PARP8: variants seen among roughly 807,000 people sequenced by gnomAD.
PARP8 encodes the protein protein mono-ADP-ribosyltransferase PARP8.
PARP8 carries 51 observed loss-of-function variants against 124.1 expected under a neutral mutation model. The observed-to-expected ratio is 0.41, with a 90% CI of 0.33 to 0.52. PARP8 has a LOEUF of 0.52. Among genes scored for constraint, PARP8 ranks in the 20% least tolerant of loss-of-function variants. PARP8 has a pLI of 0.21. For synonymous variants in PARP8, 391 were observed against 361.5 expected (o/e 1.08, Z -0.93); for missense variants, 860 against 1,018.9 (o/e 0.84, Z 2.12).
intron 14 of PARP8, among the ~76,000 whole-genome samples, chr5:50,808,756 GT>G (rs1051523468): frequency 1.3e-5 from 2 of 151,944 alleles, no homozygotes; most frequent in African/African-American, 4.8e-5. Context: ...ATTTGATTCT[GT>G]TTTCTTTCAC....
At chr5:50,672,490 G>C (rs1276932219) in intron 2 of PARP8, among the ~76,000 whole-genome samples, 1 of 152,210 alleles carries the variant, frequency 6.6e-6, no homozygotes, top group African/African-American at 2.4e-5. Flanking sequence ...GATGTCACTT[G>C]CAGTGGAATT....
chr5:50,707,846 A>G (rs1395292599), intron 2 of PARP8, among the ~76,000 whole-genome samples: 2 of 152,080 alleles, frequency 1.3e-5, no homozygotes, highest in Admixed American at 6.6e-5. Context: ...AATATGCGTG[A>G]GTTGCACTTT....
At chr5:50,757,204 T>C (rs1304604291) in intron 3 of PARP8, 1 of 455,472 alleles carries the variant, frequency 2.2e-6, no homozygotes, top group African/African-American at 2.0e-5. Flanking sequence ...CTCAAAAGGA[T>C]TGCTGAAATG....
chr5:50,672,173 C>G (rs1472452618), intron 2 of PARP8, among the ~76,000 whole-genome samples: 1 of 152,186 alleles, frequency 6.6e-6, no homozygotes, highest in East Asian at 1.9e-4. Flanking sequence ...CTCTGAGAAG[C>G]CTTTCCTGGC....
At chr5:50,788,434 A>G (rs1337045044) in intron 9 of PARP8, 89 bp from the exon 10 acceptor site, 32 of 1,140,816 alleles carry the variant, frequency 2.8e-5, no homozygotes, top group Non-Finnish European at 3.5e-5. Context: ...GTATATGCAC[A>G]TATATAATGC....
In PARP8 at chr5:50,826,601, A is replaced by G. The variant is rs74508889; in HGVS notation, c.1929-154A>G. ...TTACATAAGCTCTTTAAATTGTTTCAGGAAACAAACCTAAATTATGCGACT... is the reference window on the plus strand; with the variant it reads ...TTACATAAGCTCTTTAAATTGTTTCGGGAAACAAACCTAAATTATGCGACT... On this transcript the variant is annotated intron_variant, in intron 18 of 25. Coordinates refer to ENST00000281631, the MANE Select transcript of PARP8 (RefSeq NM_024615.4). Among the ~76,000 whole-genome samples the G allele has an allele frequency of 5.5e-3, 840 of 152,264 alleles. 6 individuals carry two copies. The highest frequency in any genetic ancestry group is 0.019 in the African/African-American group (786 of 41,568).
At chr5:50,711,965 A>G (rs1329368542) in intron 2 of PARP8, among the ~76,000 whole-genome samples, 2 of 152,138 alleles carry the variant, frequency 1.3e-5, no homozygotes, top group African/African-American at 2.4e-5. Context: ...CTGAGAAACA[A>G]AAATCTAAAT....
At chr5:50,810,652 C>G (rs914170501) in intron 14 of PARP8, among the ~76,000 whole-genome samples, 10 of 151,912 alleles carry the variant, frequency 6.6e-5, no homozygotes, top group African/African-American at 1.9e-4. Context: ...TCTTTTAGTG[C>G]AGTATCTTGT....
Position 50,794,211 on chromosome 5 carries a change from A to G in PARP8, c.742A>G (p.Met248Val), listed in dbSNP as rs1312441062. 4.3e-6 allele frequency: 7 copies of G among 1,611,452 alleles called. No homozygotes were observed. Among genetic ancestry groups the G allele is most frequent in the Non-Finnish European group, 5.1e-6 (6 of 1,178,552 alleles). ...FGLGHQLKKI[M>V]QTFVTQQWKQ... is the part of the protein sequence containing the mutation. ...GAATTACCTTTGGATTGACAGAATC[A>G]TGCAGACATTTGTTACACAGCAGTG... The change falls in exon 11 of 26, where the codon ATG becomes GTG. Residue 248 changes from methionine (M) to valine (V), a missense_variant. Physicochemically the swap from Met to Val is conservative, Grantham distance 21. This residue lies in a region of PARP8 where 517 missense variants were observed against 544.2 expected (regional missense o/e 0.95). Coordinates refer to ENST00000281631, the MANE Select transcript of PARP8 (RefSeq NM_024615.4).
chr5:50,768,162 T>TGAGGACCAAC (rs1761237310), intron 7 of PARP8, among the ~76,000 whole-genome samples: 1 of 152,170 alleles, frequency 6.6e-6, no homozygotes, highest in Non-Finnish European at 1.5e-5. Flanking sequence ...GCTGAAGTTT[T>TGAGGACCAAC]ATAGACAAAG....
At chr5:50,810,433 G>A (rs912023618) in intron 14 of PARP8, among the ~76,000 whole-genome samples, 7 of 152,128 alleles carry the variant, frequency 4.6e-5, no homozygotes, top group African/African-American at 7.2e-5. Flanking sequence ...GACTATGTGC[G>A]TTTTGAATTG....
intron 2 of PARP8, among the ~76,000 whole-genome samples, chr5:50,676,537 G>A (rs991366818): frequency 6.6e-6 from 1 of 152,190 alleles, no homozygotes; most frequent in Non-Finnish European, 1.5e-5. Context: ...GTCTCATAGG[G>A]AAGTGTTAGA....
chr5:50,670,106 C>T (rs926198674), intron 2 of PARP8, among the ~76,000 whole-genome samples: 1 of 152,072 alleles, frequency 6.6e-6, no homozygotes, highest in African/African-American at 2.4e-5. Flanking sequence ...TTTTCATTAC[C>T]GACATTATAA....
At chr5:50,840,210 A>G (rs1336292183) in intron 25 of PARP8, among the ~76,000 whole-genome samples, 1 of 151,890 alleles carries the variant, frequency 6.6e-6, no homozygotes, top group Non-Finnish European at 1.5e-5. Context: ...ATTCTGTTTG[A>G]TTCGATTCGA....
At chr5:50,762,287 A>G (rs1005430005) in intron 6 of PARP8, among the ~76,000 whole-genome samples, 11 of 152,070 alleles carry the variant, frequency 7.2e-5, no homozygotes, top group African/African-American at 2.7e-4. Flanking sequence ...ATTAAATTTG[A>G]TGGGCCCACA....
chr5:50,822,467 A>G, intron 17 of PARP8, 67 bp downstream of exon 17: 1 of 1,223,114 alleles, frequency 8.2e-7, no homozygotes, highest in Non-Finnish European at 1.2e-6. Context: ...CTATGTAGTG[A>G]AATGTAGACT....
At chr5:50,711,697 T>C (rs2149489949) in intron 2 of PARP8, among the ~76,000 whole-genome samples, 1 of 152,038 alleles carries the variant, frequency 6.6e-6, no homozygotes, top group East Asian at 1.9e-4. Context: ...ACCCCAACCC[T>C]CCTGCCCATA....
intron 7 of PARP8, among the ~76,000 whole-genome samples, chr5:50,767,754 A>G (rs1486411323): frequency 6.6e-6 from 1 of 152,176 alleles, no homozygotes; most frequent in Non-Finnish European, 1.5e-5. Flanking sequence ...CTGAGTTTGC[A>G]TATTTCTTGG....
chr5:50,781,986 G>T lies in PARP8; in HGVS notation c.670+3336G>T, dbSNP rs77169734. Reference sequence around the variant, plus strand: ...TATTTGCCCCTTGTCTGCACTCAGGGTCTGCTTCTGAGAGAACTTGACCTA... The same window carrying T: ...TATTTGCCCCTTGTCTGCACTCAGGTTCTGCTTCTGAGAGAACTTGACCTA... On this transcript the variant is annotated intron_variant, in intron 9 of 25. Transcript: ENST00000281631. Among the ~76,000 whole-genome samples, 529 of 152,216 alleles carry T rather than the reference G, an allele frequency of 3.5e-3. 21 individuals carry two copies. The East Asian group carries it at 0.079, about 23-fold the overall frequency.
Sources: gnomAD v4.1 joint callset for allele counts (sites outside exome capture counted in the v4.1 genomes callset) on GRCh38, gnomAD v4.1.1 for gene constraint, gnomAD v4.1.1 regional missense constraint, MANE v1.5 for transcripts, NCBI Gene and HGNC (gene_info 2026-07-23, HGNC 2026-07-21) for gene names.